Variants in DOP1B observed in about 807,000 individuals in gnomAD.
DOP1B encodes the protein DOP1 leucine zipper like protein B, also known as protein DOP1B.
Under a neutral mutation model 233.5 loss-of-function variants are expected in DOP1B, and 174 were observed. The observed-to-expected ratio is 0.75, with a 90% CI of 0.66 to 0.85. DOP1B has a LOEUF of 0.85. Ranked by LOEUF, DOP1B falls within the 40% of genes least tolerant of loss-of-function variation. DOP1B has a pLI of 0.00. For missense variants in DOP1B, 2,652 were observed against 2,846.6 expected, an observed-to-expected ratio of 0.93 and a Z score of 1.56; for synonymous variants, 1,190 against 1,185.6, an observed-to-expected ratio of 1.00 and a Z score of -0.08.
chr21:36,272,407 T>C (rs770590764), intron 27 of DOP1B, among the ~76,000 whole-genome samples: 33 of 152,124 alleles, frequency 2.2e-4, no homozygotes, highest in Non-Finnish European at 3.8e-4. Context: ...CCCAGGACTT[T>C]GGGAGGCCAA....
intron 26 of DOP1B, among the ~76,000 whole-genome samples, chr21:36,264,435 C>T (rs533405100): frequency 1.3e-5 from 2 of 151,938 alleles, no homozygotes; most frequent in South Asian, 4.2e-4. Flanking sequence ...AAAAAGGAAG[C>T]TATCTCCATA....
At chr21:36,229,661 CTTTTTTTTT>C (rs373779563) in intron 13 of DOP1B, among the ~76,000 whole-genome samples, 2 of 127,714 alleles carry the variant, frequency 1.6e-5, no homozygotes, top group African/African-American at 6.0e-5. Context: ...CTTGCTTTAC[CTTTTTTTTT>C]TTTTTTTTTG....
chr21:36,172,720 T>C (rs952702627), intron 2 of DOP1B, among the ~76,000 whole-genome samples: 2 of 152,130 alleles, frequency 1.3e-5, no homozygotes, highest in African/African-American at 2.4e-5. Context: ...CACTCCATCC[T>C]GGGTGACAGA....
At chr21:36,189,635 G>A (rs1053672303) in intron 2 of DOP1B, among the ~76,000 whole-genome samples, 1 of 152,052 alleles carries the variant, frequency 6.6e-6, no homozygotes, top group Non-Finnish European at 1.5e-5. Flanking sequence ...GCTAGAACCC[G>A]GGAGGTGGAG....
intron 26 of DOP1B, among the ~76,000 whole-genome samples, chr21:36,268,824 C>T (rs1026989598): frequency 6.6e-6 from 1 of 152,168 alleles, no homozygotes; most frequent in Non-Finnish European, 1.5e-5. Flanking sequence ...CGTGCACCAC[C>T]ACGCCTAGCT....
chr21:36,265,617 C>G (rs111532551), intron 26 of DOP1B, among the ~76,000 whole-genome samples: 8,246 of 152,178 alleles, frequency 0.054, 721 homozygotes, highest in African/African-American at 0.19. Flanking sequence ...GGACAGGGCT[C>G]TGGCCACAGG....
At chr21:36,270,771 G>A (rs1285596376) in intron 27 of DOP1B, among the ~76,000 whole-genome samples, 2 of 150,586 alleles carry the variant, frequency 1.3e-5, no homozygotes, top group Admixed American at 1.3e-4. Flanking sequence ...AAAATTAGCC[G>A]CGCGTGGTAG....
chr21:36,168,928 C>A (rs2065942764), intron 2 of DOP1B: 35 of 515,236 alleles, frequency 6.8e-5, no homozygotes, highest in East Asian at 2.4e-4. Flanking sequence ...TAAAAAATAA[C>A]TTTTATTGAG....
intron 4 of DOP1B, among the ~76,000 whole-genome samples, chr21:36,207,165 T>G (rs954496375): frequency 6.9e-6 from 1 of 144,002 alleles, no homozygotes; most frequent in Non-Finnish European, 1.5e-5. Context: ...CTGGGTTGAG[T>G]TTTTTTTTTT....
chr21:36,179,296 C>G lies in DOP1B; in HGVS notation c.138+14425C>G, dbSNP rs952650398. On this transcript the variant is annotated intron_variant, in intron 2 of 36. Transcript: ENST00000691173. ...AAACTGTTTGCCAAAGTGGTTGTAT[C>G]ATTTTACATTCCCAGCTGCAGTGTA... 2.6e-5 allele frequency among the ~76,000 whole-genome samples: 4 copies of G among 152,186 alleles called. No homozygotes were observed. In the East Asian group the frequency reaches 7.7e-4, roughly 29 times the overall value.
At chr21:36,219,525 T>G in intron 10 of DOP1B, 33 bp downstream of exon 10, 1 of 1,609,394 alleles carries the variant, frequency 6.2e-7, no homozygotes, top group South Asian at 1.1e-5. Context: ...CACGCATCTC[T>G]CTCCCTCCCC....
chr21:36,226,290 C>T (rs1426407100), intron 12 of DOP1B, among the ~76,000 whole-genome samples: 1 of 148,256 alleles, frequency 6.7e-6, no homozygotes, highest in Non-Finnish European at 1.5e-5. Context: ...CTCTGTCTCT[C>T]TCTCTCTTTT....
intron 2 of DOP1B, chr21:36,169,691 G>T: frequency 1.1e-6 from 1 of 898,740 alleles, no homozygotes; most frequent in Non-Finnish European, 1.9e-6. Context: ...CTGGGTGTGG[G>T]CAGCGAGGCG....
intron 10 of DOP1B, among the ~76,000 whole-genome samples, chr21:36,221,635 G>T (rs952568080): frequency 2.0e-5 from 3 of 152,068 alleles, no homozygotes; most frequent in Admixed American, 2.0e-4. Flanking sequence ...GGAGTGCAGT[G>T]ATGTGGTCTT....
intron 19 of DOP1B, among the ~76,000 whole-genome samples, chr21:36,247,032 G>A (rs185305603): frequency 3.9e-5 from 6 of 151,930 alleles, no homozygotes; most frequent in African/African-American, 1.5e-4. Flanking sequence ...GGTGCCTACC[G>A]CCACATCTGG....
In DOP1B at chr21:36,167,929, C is replaced by CTTTT. The variant is rs1568996068; in HGVS notation, c.138+3059_138+3062dup. Among the ~76,000 whole-genome samples, 57 of 97,306 alleles carry CTTTT rather than the reference C, an allele frequency of 5.9e-4. 2 individuals are homozygous for CTTTT. The highest frequency in any genetic ancestry group is 1.0e-3 in the African/African-American group (26 of 26,032). The allele number at this position is 97,306 out of a possible 152,430, so 63.8% of individuals were successfully genotyped here. A position where few individuals can be genotyped will look rare whatever the true frequency, so the allele number is the denominator to read the frequency against. On this transcript the variant is annotated intron_variant, in intron 2 of 36. Coordinates refer to ENST00000691173, the MANE Select transcript of DOP1B (RefSeq NM_001320714.2). ...GGTAAGTCACATTTTCTTTTCTTTTCTTTTCTTTTTCTTTTTTTTTTTTTT... is the reference window on the plus strand; with the variant it reads ...GGTAAGTCACATTTTCTTTTCTTTTCTTTTTTTTCTTTTTCTTTTTTTTTTTTTT...
chr21:36,176,480 G>A (rs917266229), intron 2 of DOP1B, among the ~76,000 whole-genome samples: 1 of 152,028 alleles, frequency 6.6e-6, no homozygotes, highest in African/African-American at 2.4e-5. Context: ...CTCTGTTAGA[G>A]CGTGACACCT....
rs752090690 is a variant in DOP1B, at chr21:36,292,238, G to A, written c.6645+5G>A. 4 of 1,563,060 alleles carry A rather than the reference G, an allele frequency of 2.6e-6. No homozygotes were observed. The highest frequency in any genetic ancestry group is 3.4e-6 in the Non-Finnish European group (4 of 1,161,456). On this transcript the variant is annotated splice_donor_5th_base_variant and intron_variant, in intron 36 of 36. Coordinates refer to ENST00000691173, the MANE Select transcript of DOP1B (RefSeq NM_001320714.2). ...CTTCTAAAATTAAAGTTTGGGGTAA[G>A]TGCTTTTCTTTTCTTTTCTTTTTTT...
At chr21:36,263,901 G>A (rs1202644432) in intron 26 of DOP1B, 87 bp downstream of exon 26, 1 of 1,275,542 alleles carries the variant, frequency 7.8e-7, no homozygotes, top group Non-Finnish European at 1.1e-6. Context: ...AGGTAGACAA[G>A]AGACATTGGA....
Sources: allele counts gnomAD v4.1 joint callset (sites outside exome capture counted in the v4.1 genomes callset), GRCh38; gene constraint gnomAD v4.1.1; transcripts MANE v1.5; gene names NCBI Gene and HGNC (gene_info 2026-07-23, HGNC 2026-07-21).